The following KCNH7 variants were observed in gnomAD, a reference collection of about 807,000 sequenced individuals.
KCNH7 encodes voltage-gated inwardly rectifying potassium channel KCNH7.
A neutral mutation model predicts 120.8 loss-of-function variants in KCNH7; 49 were observed. The observed-to-expected ratio is 0.41, with a 90% CI of 0.32 to 0.51. KCNH7 has a LOEUF of 0.51. KCNH7 is among the 20% of genes least tolerant of loss of function. KCNH7 has a pLI of 0.38. For synonymous variants in KCNH7, 547 were observed against 516.1 expected, an observed-to-expected ratio of 1.06 and a Z score of -0.81; for missense variants, 1,097 against 1,446.6, an observed-to-expected ratio of 0.76 and a Z score of 3.92.
At chr2:162,670,713 G>GA (rs1685319932) in intron 2 of KCNH7, among the ~76,000 whole-genome samples, 1 of 145,832 alleles carries the variant, frequency 6.9e-6, no homozygotes, top group African/African-American at 2.5e-5. Flanking sequence ...TATTAATGTA[G>GA]AAAAAAATGA....
chr2:162,377,078 CA>C (rs1686222139), intron 14 of KCNH7, among the ~76,000 whole-genome samples: 3 of 152,066 alleles, frequency 2.0e-5, no homozygotes, highest in Non-Finnish European at 4.4e-5. Context: ...CGAAGCTAAA[CA>C]GGGTAGACTC....
At chr2:162,703,019 A>T (rs1686571280) in intron 2 of KCNH7, among the ~76,000 whole-genome samples, 1 of 152,200 alleles carries the variant, frequency 6.6e-6, no homozygotes, top group Non-Finnish European at 1.5e-5. Flanking sequence ...AGCCTGCAGT[A>T]GTTCAGGAAG....
intron 6 of KCNH7, among the ~76,000 whole-genome samples, chr2:162,493,211 G>C (rs1262161031): frequency 6.6e-6 from 1 of 151,998 alleles, no homozygotes; most frequent in East Asian, 1.9e-4. Flanking sequence ...ATTTCAATTA[G>C]GAGATAGGCA....
chr2:162,468,568 T>C (rs577739123), intron 6 of KCNH7, among the ~76,000 whole-genome samples: 195 of 139,690 alleles, frequency 1.4e-3, no homozygotes, highest in Middle Eastern at 3.8e-3. Flanking sequence ...TTGCCCAGGA[T>C]GGAGTGCAGT....
intron 4 of KCNH7, among the ~76,000 whole-genome samples, chr2:162,515,692 G>T (rs1484749474): frequency 6.6e-6 from 1 of 151,710 alleles, no homozygotes; most frequent in Non-Finnish European, 1.5e-5. Flanking sequence ...AATTCTAGCG[G>T]TTTCATTCTG....
chr2:162,661,778 A>G (rs1345577346), intron 2 of KCNH7, among the ~76,000 whole-genome samples: 2 of 152,228 alleles, frequency 1.3e-5, no homozygotes, highest in Non-Finnish European at 2.9e-5. Flanking sequence ...AGGAAATGAG[A>G]AGAAAGAGCA....
chr2:162,754,232 C>G lies in KCNH7; in HGVS notation c.307+82305G>C, dbSNP rs115968768. Among the ~76,000 whole-genome samples the G allele has an allele frequency of 1.3e-5, 2 of 151,714 alleles. 1 individual carries two copies. Among genetic ancestry groups the G allele is most frequent in the South Asian group, 4.2e-4 (2 of 4,816 alleles). On this transcript the variant is annotated intron_variant, in intron 2 of 15. Transcript: ENST00000332142. ...AACAGAGAGGGGAGAAAGGAGATTA[C>G]TACAATAGATCAAGAGGCAGCAGTC...
rs745503628 is a variant in KCNH7, at chr2:162,807,280, A to AC, written c.307+29256_307+29257insG. Among the ~76,000 whole-genome samples, 32 of 144,554 alleles carry AC rather than the reference A, an allele frequency of 2.2e-4. 1 individual carries two copies. The highest frequency in any genetic ancestry group is 1.6e-3 in the South Asian group (7 of 4,412). The allele number at this position is 144,554 out of a possible 152,430, so 94.8% of individuals were successfully genotyped here. ...ACAAAAAAAAAAAAAAAAAAAAAAA[A>AC]AAACAAATTAGCCAGGTGTGGTGCT... On this transcript the variant is annotated intron_variant, in intron 2 of 15. Transcript: ENST00000332142.
chr2:162,503,482 A>G (rs532417359), intron 6 of KCNH7, among the ~76,000 whole-genome samples: 10 of 152,164 alleles, frequency 6.6e-5, no homozygotes, highest in African/African-American at 2.4e-4. Context: ...ATAATTTCTC[A>G]TCTCAAATAA....
At chr2:162,392,042 C>A (rs1000276693) in intron 12 of KCNH7, among the ~76,000 whole-genome samples, 1 of 151,954 alleles carries the variant, frequency 6.6e-6, no homozygotes, top group African/African-American at 2.4e-5. Context: ...TATTTATCAA[C>A]CATTCTTTGC....
At chr2:162,804,774 A>C (rs1474552344) in intron 2 of KCNH7, among the ~76,000 whole-genome samples, 2 of 151,714 alleles carry the variant, frequency 1.3e-5, no homozygotes, top group Non-Finnish European at 2.9e-5. Flanking sequence ...ACCAAAAAAA[A>C]AAAAGAGACA....
At position 162,787,959 on chromosome 2, in the gene KCNH7, T is replaced by C. The variant is rs752193588; in HGVS notation, c.307+48578A>G. Reference sequence around the variant, plus strand: ...GATACTTCAGCCTATCTACCTAGACTCTTTGGAAAGGCTGACTGGTGAAGT... The same window carrying C: ...GATACTTCAGCCTATCTACCTAGACCCTTTGGAAAGGCTGACTGGTGAAGT... On this transcript the variant is annotated intron_variant, in intron 2 of 15. Coordinates refer to ENST00000332142, the MANE Select transcript of KCNH7 (RefSeq NM_033272.4). Among the ~76,000 whole-genome samples the C allele has an allele frequency of 2.8e-4, 42 of 152,234 alleles. 1 individual carries two copies. The highest frequency in any genetic ancestry group is 8.0e-4 in the African/African-American group (33 of 41,490).
At chr2:162,690,040 A>G (rs534043434) in intron 2 of KCNH7, among the ~76,000 whole-genome samples, 7 of 152,342 alleles carry the variant, frequency 4.6e-5, no homozygotes, top group African/African-American at 1.4e-4. Context: ...ATGGAATAAT[A>G]TGCAACCATA....
chr2:162,430,664 T>C (rs1006353610), intron 8 of KCNH7, among the ~76,000 whole-genome samples: 1 of 152,034 alleles, frequency 6.6e-6, no homozygotes, highest in African/African-American at 2.4e-5. Flanking sequence ...TTATATATTT[T>C]GTTCAGTTTT....
intron 6 of KCNH7, among the ~76,000 whole-genome samples, chr2:162,490,052 A>G (rs1574021154): frequency 6.6e-6 from 1 of 152,252 alleles, no homozygotes; most frequent in South Asian, 2.1e-4. Flanking sequence ...CACGTTAATC[A>G]TACTCTAGAG....
intron 2 of KCNH7, among the ~76,000 whole-genome samples, chr2:162,628,352 A>T (rs185617903): frequency 3.9e-5 from 6 of 152,222 alleles, no homozygotes; most frequent in Non-Finnish European, 8.8e-5. Flanking sequence ...AGGTTTTGTG[A>T]TGCCTTAGTT....
At chr2:162,451,311 T>C (rs1394301260) in intron 6 of KCNH7, among the ~76,000 whole-genome samples, 6 of 152,072 alleles carry the variant, frequency 3.9e-5, no homozygotes, top group Non-Finnish European at 8.8e-5. Flanking sequence ...GGTTATCTGT[T>C]GAAATCCTGG....
At chr2:162,413,008 A>AT (rs1687435095) in intron 9 of KCNH7, among the ~76,000 whole-genome samples, 1 of 152,154 alleles carries the variant, frequency 6.6e-6, no homozygotes, top group African/African-American at 2.4e-5. Context: ...AAAGTCATAT[A>AT]TTTTTTATGG....
chr2:162,406,996 T>G (rs984508304), intron 9 of KCNH7, among the ~76,000 whole-genome samples: 1 of 152,028 alleles, frequency 6.6e-6, no homozygotes, highest in Non-Finnish European at 1.5e-5. Context: ...CAAATATGTA[T>G]TGTCTAGTTT....
Sources: gnomAD v4.1 joint callset for allele counts (sites outside exome capture counted in the v4.1 genomes callset) on GRCh38, gnomAD v4.1.1 for gene constraint, MANE v1.5 for transcripts, NCBI Gene and HGNC (gene_info 2026-07-23, HGNC 2026-07-21) for gene names.